TNFAIP6: variants seen among roughly 807,000 people sequenced by gnomAD.
TNFAIP6 encodes TNF alpha induced protein 6.
TNFAIP6 carries 36 observed loss-of-function variants against 33.7 expected under a neutral mutation model. The ratio of observed to expected loss-of-function variants is 1.07; its 90% CI spans 0.82 to 1.41. TNFAIP6 has a LOEUF of 1.41. Among genes scored for constraint, TNFAIP6 ranks in the 40% most tolerant of loss-of-function variants. The pLI is 0.00. For synonymous variants in TNFAIP6, 113 were observed against 112.8 expected (o/e 1.00, Z -0.01); for missense variants, 273 against 331.9 (o/e 0.82, Z 1.38).
downstream of TNFAIP6, among the ~76,000 whole-genome samples, chr2:151,380,994 AAC>A (rs982730734): frequency 1.6e-4 from 24 of 152,176 alleles, 1 homozygote; most frequent in African/African-American, 5.8e-4. Flanking sequence ...GGGAGAAAAA[AAC>A]ACAGTTGTTA....
chr2:151,365,995 T>C (rs1282701969), intron 2 of TNFAIP6, 61 bp from the exon 3 acceptor site: 8 of 1,523,602 alleles, frequency 5.3e-6, no homozygotes, highest in Non-Finnish European at 6.3e-6. Flanking sequence ...TTTGCTAAGA[T>C]GACTTTTGCT....
chr2:151,362,988 T>TAAA (rs1684653283), intron 1 of TNFAIP6, among the ~76,000 whole-genome samples: 4 of 152,174 alleles, frequency 2.6e-5, no homozygotes, highest in Admixed American at 2.0e-4. Flanking sequence ...CTTTATCACC[T>TAAA]GTGGATAGTG....
chr2:151,361,169 G>A (rs1030241863), intron 1 of TNFAIP6, among the ~76,000 whole-genome samples: 2 of 152,038 alleles, frequency 1.3e-5, no homozygotes, highest in Admixed American at 6.6e-5. Context: ...CTGCCTCCCT[G>A]GTTCAAGCAA....
chr2:151,363,695 A>C (rs963720700), intron 1 of TNFAIP6, among the ~76,000 whole-genome samples: 9 of 152,070 alleles, frequency 5.9e-5, no homozygotes, highest in East Asian at 1.9e-4. Flanking sequence ...AACCAACCAA[A>C]CAAACAAAAA....
At chr2:151,377,489 G>C (rs977290580) in intron 5 of TNFAIP6, among the ~76,000 whole-genome samples, 1 of 151,680 alleles carries the variant, frequency 6.6e-6, no homozygotes, top group Non-Finnish European at 1.5e-5. Context: ...TTGTTTGTTT[G>C]TTTGTTTGTT....
chr2:151,380,152 A>G (rs1474181291), downstream of TNFAIP6: 1 of 152,170 alleles, frequency 6.6e-6, no homozygotes, highest in Non-Finnish European at 1.5e-5. Context: ...GGCAAAAATG[A>G]GGCCTCACTG....
At chr2:151,365,417 T>C (rs1684693656) in intron 2 of TNFAIP6, among the ~76,000 whole-genome samples, 1 of 151,976 alleles carries the variant, frequency 6.6e-6, no homozygotes. Context: ...GGTGGGCAGA[T>C]CACTTGAGGT....
chr2:151,363,619 G>T (rs925895351), intron 1 of TNFAIP6, among the ~76,000 whole-genome samples: 3 of 151,870 alleles, frequency 2.0e-5, no homozygotes, highest in African/African-American at 7.3e-5. Flanking sequence ...CTGAGATCGC[G>T]CCACTGCACT....
chr2:151,367,971 T>C (rs1242663040), intron 3 of TNFAIP6, among the ~76,000 whole-genome samples: 1 of 152,104 alleles, frequency 6.6e-6, no homozygotes, highest in East Asian at 1.9e-4. Flanking sequence ...AGATATAACA[T>C]AAAATATAGA....
chr2:151,370,361 C>CCTG, intron 4 of TNFAIP6, 113 bp downstream of exon 4: 1 of 767,882 alleles, frequency 1.3e-6, no homozygotes, highest in South Asian at 1.8e-5. Context: ...TAGTTCTACT[C>CCTG]TCCTAAAGCA....
At chr2:151,363,495 TAA>T (rs11367357) in intron 1 of TNFAIP6, among the ~76,000 whole-genome samples, 2,046 of 139,840 alleles carry the variant, frequency 0.015, 21 homozygotes, top group African/African-American at 0.03. Flanking sequence ...GTCGCTACTT[TAA>T]AAAAAAAAAA....
chr2:151,374,080 G>A (rs1192462428), intron 5 of TNFAIP6, among the ~76,000 whole-genome samples: 2 of 152,120 alleles, frequency 1.3e-5, no homozygotes, highest in Non-Finnish European at 2.9e-5. Context: ...TGAGAAGAGG[G>A]CTCTAAGGTC....
chr2:151,375,226 A>G (rs768140359), intron 5 of TNFAIP6, among the ~76,000 whole-genome samples: 2 of 150,234 alleles, frequency 1.3e-5, no homozygotes, highest in African/African-American at 2.5e-5. Context: ...GTGGGGTTTT[A>G]TTGGCACAAC....
intron 1 of TNFAIP6, 105 bp downstream of exon 1, chr2:151,357,865 G>A (rs975327904): frequency 2.0e-5 from 13 of 655,512 alleles, no homozygotes; most frequent in Middle Eastern, 2.7e-4. Flanking sequence ...CAAGGCTGAT[G>A]TTCTCAAAGA....
chr2:151,363,859 T>C lies in TNFAIP6; in HGVS notation c.95-84T>C, dbSNP rs550871634. ...CCTTTGGCAGGAACAATAGCTGTTG[T>C]AATCTTCCAGCTGAGGCCACAGAAT... On this transcript the variant is annotated intron_variant, in intron 1 of 5. Coordinates refer to ENST00000243347, the MANE Select transcript of TNFAIP6 (RefSeq NM_007115.4). 3.3e-4 allele frequency: 504 copies of C among 1,526,386 alleles called. 6 individuals are homozygous for C. The South Asian group carries it at 4.8e-3, about 14-fold the overall frequency. The allele number at this position is 1,526,386 out of a possible 1,614,324, so 94.6% of individuals were successfully genotyped here. A position where few individuals can be genotyped will look rare whatever the true frequency, so the allele number is the denominator to read the frequency against.
At chr2:151,375,117 C>T (rs1484253979) in intron 5 of TNFAIP6, among the ~76,000 whole-genome samples, 34 of 127,978 alleles carry the variant, frequency 2.7e-4, no homozygotes, top group African/African-American at 9.8e-4. Flanking sequence ...AAGAGCAAAA[C>T]TCCGTCTCAA....
intron 2 of TNFAIP6, 151 bp downstream of exon 2, chr2:151,364,231 C>A: frequency 9.8e-7 from 1 of 1,021,784 alleles, no homozygotes. Context: ...TTCTCCTATC[C>A]ATCTGCCTAG....
At chr2:151,373,813 C>T in intron 5 of TNFAIP6, 1 of 293,296 alleles carries the variant, frequency 3.4e-6, no homozygotes, top group Non-Finnish European at 6.2e-6. Context: ...CTCTTCTTTG[C>T]TGAAAATGTA....
chr2:151,360,363 T>A, intron 1 of TNFAIP6, among the ~76,000 whole-genome samples: 1 of 152,170 alleles, frequency 6.6e-6, no homozygotes, highest in Admixed American at 6.5e-5. Flanking sequence ...CCAGAAGCTA[T>A]CATTAGTCCC....
Sources: gnomAD v4.1 joint callset for allele counts (sites outside exome capture counted in the v4.1 genomes callset) on GRCh38, gnomAD v4.1.1 for gene constraint, MANE v1.5 for transcripts, NCBI Gene and HGNC (gene_info 2026-07-23, HGNC 2026-07-21) for gene names.